The following TOX variants were observed in gnomAD, a reference collection of about 807,000 sequenced individuals.
TOX encodes the protein thymocyte selection-associated high mobility group box protein TOX.
In TOX, 11 loss-of-function variants were observed where a neutral mutation model predicts 53.7. That is an observed-to-expected ratio of 0.20 (90% CI 0.13 to 0.34). The LOEUF is 0.34. Among genes scored for constraint, TOX ranks in the 10% least tolerant of loss-of-function variants. TOX has a pLI of 1.00. For synonymous variants in TOX, 225 were observed against 245.3 expected (o/e 0.92, Z 0.77); for missense variants, 570 against 664.6 (o/e 0.86, Z 1.56).
At chr8:58,972,108 CT>C (rs968066654) in intron 1 of TOX, among the ~76,000 whole-genome samples, 1 of 152,060 alleles carries the variant, frequency 6.6e-6, no homozygotes, top group African/African-American at 2.4e-5. Context: ...TAAATGAAAA[CT>C]TTGTAGATCA....
chr8:59,092,265 T>G (rs74212313), intron 1 of TOX, among the ~76,000 whole-genome samples: 1 of 89,930 alleles, frequency 1.1e-5, no homozygotes, highest in Non-Finnish European at 1.8e-5. Flanking sequence ...TATATATATT[T>G]TATATATATA....
chr8:58,822,705 T>C (rs1282537500), intron 6 of TOX, among the ~76,000 whole-genome samples: 1 of 152,232 alleles, frequency 6.6e-6, no homozygotes, highest in African/African-American at 2.4e-5. Flanking sequence ...TACTCTTAGC[T>C]GTTTCCTATG....
intron 1 of TOX, among the ~76,000 whole-genome samples, chr8:59,097,029 T>C (rs904919159): frequency 2.0e-4 from 31 of 152,188 alleles, no homozygotes; most frequent in African/African-American, 7.5e-4. Flanking sequence ...GAGCCAACTA[T>C]AAACAATGCT....
chr8:59,050,679 A>G (rs1326376893), intron 1 of TOX, among the ~76,000 whole-genome samples: 1 of 152,150 alleles, frequency 6.6e-6, no homozygotes, highest in Non-Finnish European at 1.5e-5. Flanking sequence ...GGTCAAGAGA[A>G]GCTCAAGATG....
chr8:58,874,785 T>C (rs1319532771), intron 3 of TOX, among the ~76,000 whole-genome samples: 1 of 152,170 alleles, frequency 6.6e-6, no homozygotes, highest in Non-Finnish European at 1.5e-5. Context: ...TTATCCACCA[T>C]GAAGGCTATA....
chr8:59,062,739 T>C (rs1372803533), intron 1 of TOX, among the ~76,000 whole-genome samples: 2 of 152,154 alleles, frequency 1.3e-5, no homozygotes. Flanking sequence ...TTTGGTTTTC[T>C]CAAAAATTAT....
At chr8:58,965,612 G>C (rs1264633121) in intron 1 of TOX, among the ~76,000 whole-genome samples, 2 of 152,058 alleles carry the variant, frequency 1.3e-5, no homozygotes, top group Admixed American at 6.5e-5. Flanking sequence ...TCAGAAAACT[G>C]CTGCTGAGGG....
intron 7 of TOX, among the ~76,000 whole-genome samples, chr8:58,811,243 G>A (rs1458018708): frequency 6.6e-6 from 1 of 152,162 alleles, no homozygotes; most frequent in African/African-American, 2.4e-5. Context: ...TGTTTGCTTA[G>A]TAGTCTAATT....
At chr8:59,034,403 C>T (rs533689688) in intron 1 of TOX, among the ~76,000 whole-genome samples, 2 of 152,346 alleles carry the variant, frequency 1.3e-5, no homozygotes, top group Admixed American at 1.3e-4. Flanking sequence ...AGAATATAGC[C>T]TTATCCAGAT....
intron 1 of TOX, among the ~76,000 whole-genome samples, chr8:59,105,172 A>G (rs939521069): frequency 6.6e-6 from 1 of 152,200 alleles, no homozygotes; most frequent in Non-Finnish European, 1.5e-5. Flanking sequence ...CCCTATGCAA[A>G]TATTTGTATA....
chr8:58,879,987 A>G (rs1314536077), intron 3 of TOX, among the ~76,000 whole-genome samples: 1 of 152,202 alleles, frequency 6.6e-6, no homozygotes, highest in Admixed American at 6.5e-5. Flanking sequence ...TATTATCTTT[A>G]CTGTCTTTTT....
intron 4 of TOX, among the ~76,000 whole-genome samples, chr8:58,849,427 T>A (rs1487299395): frequency 6.6e-6 from 1 of 152,196 alleles, no homozygotes; most frequent in Non-Finnish European, 1.5e-5. Context: ...TTATAAATTA[T>A]TTCAAGATGT....
At chr8:58,975,245 TACAC>T (rs34016906) in intron 1 of TOX, among the ~76,000 whole-genome samples, 6 of 140,030 alleles carry the variant, frequency 4.3e-5, no homozygotes, top group Non-Finnish European at 4.5e-5. Context: ...GATATATATA[TACAC>T]ACACACACAC....
At position 58,963,918 on chromosome 8, in the gene TOX, G is replaced by A. The variant is rs577207477; in HGVS notation, c.103-3910C>T. Among the ~76,000 whole-genome samples, 21 of 152,320 alleles carry A rather than the reference G, an allele frequency of 1.4e-4. 1 individual carries two copies. Among genetic ancestry groups the A allele is most frequent in the South Asian group, 1.0e-3 (5 of 4,832 alleles). On this transcript the variant is annotated intron_variant, in intron 1 of 8. Transcript: ENST00000361421. ...AAATAAGAAAAACTGAAACATATTT[G>A]CTGGATTAAATATATTATCTTTCTA... is the stretch of plus-strand genomic sequence containing the variant.
chr8:58,849,955 A>G (rs554722928), intron 4 of TOX, among the ~76,000 whole-genome samples: 1 of 152,298 alleles, frequency 6.6e-6, no homozygotes, highest in South Asian at 2.1e-4. Context: ...GCCAATGAGT[A>G]CCTGGAGCCA....
chr8:59,004,441 G>C (rs1813749964), intron 1 of TOX, among the ~76,000 whole-genome samples: 1 of 152,108 alleles, frequency 6.6e-6, no homozygotes. Flanking sequence ...TTAGCTTTTA[G>C]CCATCATTCT....
intron 1 of TOX, among the ~76,000 whole-genome samples, chr8:59,059,905 G>GT (rs1803950075): frequency 9.1e-6 from 1 of 109,830 alleles, no homozygotes; most frequent in African/African-American, 2.7e-5. Flanking sequence ...ATGTTATGTT[G>GT]TAAAAAAAAA....
At chr8:58,886,869 C>G (rs1811477301) in intron 3 of TOX, among the ~76,000 whole-genome samples, 3 of 150,720 alleles carry the variant, frequency 2.0e-5, no homozygotes, top group African/African-American at 7.3e-5. Flanking sequence ...ATTTTATTGG[C>G]TAGTACTTTC....
intron 3 of TOX, among the ~76,000 whole-genome samples, chr8:58,896,006 C>T (rs1410844162): frequency 1.3e-5 from 2 of 152,160 alleles, no homozygotes; most frequent in African/African-American, 4.8e-5. Flanking sequence ...CAAAAAGAGA[C>T]TTGAAGGAGT....
Sources: gnomAD v4.1 joint callset for allele counts (sites outside exome capture counted in the v4.1 genomes callset) on GRCh38, gnomAD v4.1.1 for gene constraint, MANE v1.5 for transcripts, NCBI Gene and HGNC (gene_info 2026-07-23, HGNC 2026-07-21) for gene names.